TAPBPL: variants seen among roughly 807,000 people sequenced by gnomAD.
TAPBPL encodes TAP binding protein like, also known as tapasin-related protein.
TAPBPL carries 32 observed loss-of-function variants against 44.8 expected under a neutral mutation model. The observed-to-expected ratio is 0.71, with a 90% CI of 0.54 to 0.96. The LOEUF (loss-of-function observed/expected upper bound fraction) is 0.96, where lower values mean the gene tolerates loss of function less well. Among genes scored for constraint, TAPBPL ranks in the 40% least tolerant of loss-of-function variants. The probability of loss-of-function intolerance (pLI) is 0.00; values close to 1 mark genes in which losing one functional copy is unlikely to be tolerated. For synonymous variants in TAPBPL, 230 were observed against 240.7 expected, an observed-to-expected ratio of 0.96 and a Z score of 0.41; for missense variants, 520 against 586.6, an observed-to-expected ratio of 0.89 and a Z score of 1.17.
chr12:6,456,911 C>T (rs571674915), intron 3 of TAPBPL, among the ~76,000 whole-genome samples: 1 of 152,222 alleles, frequency 6.6e-6, no homozygotes, highest in Non-Finnish European at 1.5e-5. Flanking sequence ...CCTCGGCCCC[C>T]CAAAGTGCTG....
downstream of TAPBPL, chr12:6,465,127 G>T (rs929016519): frequency 4.6e-5 from 35 of 760,230 alleles, 1 homozygote; most frequent in Middle Eastern, 1.2e-3. Context: ...CATAACCACA[G>T]TATGTCTGTA....
downstream of TAPBPL, chr12:6,463,328 A>G (rs900114007): frequency 1.3e-5 from 15 of 1,176,138 alleles, no homozygotes; most frequent in African/African-American, 1.1e-4. The surrounding 1 kb of genome is among the most constrained non-coding windows in gnomAD (Gnocchi z 4.0). Context: ...CCTCCCCCCA[A>G]GGTGGGGCTG....
Position 6,457,662 on chromosome 12 carries a change from T to A in TAPBPL, c.822T>A (p.Thr274=), listed in dbSNP as rs1464274026. The A allele has an allele frequency of 6.2e-7, 1 of 1,614,012 alleles. No homozygotes were observed. Among genetic ancestry groups the A allele is most frequent in the Non-Finnish European group, 8.5e-7 (1 of 1,180,010 alleles). Residue 274 remains threonine (T), a synonymous_variant, in exon 4 of 7, where the codon ACT becomes ACA. Transcript: ENST00000266556. Reference sequence around the variant, plus strand: ...CCTCCCTCACCCTGCCCGGCCTCACTATACAGGACGAGGGGACCTACATTT... The same window carrying A: ...CCTCCCTCACCCTGCCCGGCCTCACAATACAGGACGAGGGGACCTACATTT... ...RDASLTLPGL[T]IQDEGTYICQ...
intron 3 of TAPBPL, among the ~76,000 whole-genome samples, chr12:6,454,921 A>G (rs1592131115): frequency 1.3e-5 from 2 of 151,868 alleles, no homozygotes; most frequent in South Asian, 4.2e-4. Flanking sequence ...ATTAGGGGCA[A>G]CCGTCCTATC....
rs1404750780 is a variant in TAPBPL at position 6,457,656 on chromosome 12, C to T, written c.816C>T (p.Gly272=). 6.2e-7 allele frequency: 1 copy of T among 1,614,180 alleles called. No individual in the cohort carries two copies. Among genetic ancestry groups the T allele is most frequent in the Admixed American group, 1.7e-5 (1 of 60,020 alleles). ...GGGATGCCTCCCTCACCCTGCCCGG[C>T]CTCACTATACAGGACGAGGGGACCT... is the stretch of plus-strand genomic sequence containing the variant. ...MARDASLTLP[G]LTIQDEGTYI... is the part of the protein sequence containing the mutation. The change falls in exon 4 of 7, where the codon GGC becomes GGT. Residue 272 remains glycine (G), a synonymous_variant. Coordinates refer to ENST00000266556, the MANE Select transcript of TAPBPL (RefSeq NM_018009.5).
In TAPBPL at chr12:6,458,797, T is replaced by C. The variant is rs1592136850; in HGVS notation, c.1057T>C (p.Ser353Pro). 1 of 1,614,090 alleles carries C rather than the reference T, an allele frequency of 6.2e-7. No homozygotes were observed. Among genetic ancestry groups the C allele is most frequent in the Non-Finnish European group, 8.5e-7 (1 of 1,180,034 alleles). Residue 353 changes from serine to proline, a missense_variant, in exon 5 of 7, where the codon TCC becomes CCC. Physicochemically the swap from Ser to Pro is moderately conservative, Grantham distance 74 (BLOSUM62 -1). Coordinates refer to ENST00000266556, the MANE Select transcript of TAPBPL (RefSeq NM_018009.5). Reference sequence around the variant, plus strand: ...AGCCCAAGTCTCTGGTGCCTCCTTCTCCAGCCTCAGGCAAAGCGTGGCAGG... The same window carrying C: ...AGCCCAAGTCTCTGGTGCCTCCTTCCCCAGCCTCAGGCAAAGCGTGGCAGG... ...SPAQVSGASF[S>P]SLRQSVAGTY...
intron 3 of TAPBPL, among the ~76,000 whole-genome samples, chr12:6,454,650 T>C (rs1226173093): frequency 6.6e-6 from 1 of 152,174 alleles, no homozygotes; most frequent in Non-Finnish European, 1.5e-5. Flanking sequence ...TGCTGTCCAC[T>C]GTAGTCTTAT....
At chr12:6,463,796 T>G, downstream of TAPBPL, 1 of 1,189,762 alleles carries the variant, frequency 8.4e-7, no homozygotes, top group Non-Finnish European at 1.1e-6. The surrounding 1 kb of genome is among the most constrained non-coding windows in gnomAD (Gnocchi z 4.0). Context: ...CAAGTCCTGC[T>G]ATTTTCACAA....
rs908479996 is a variant in TAPBPL, at chr12:6,460,993, C to T, written c.1291+55C>T. 1.9e-6 allele frequency: 3 copies of T among 1,610,324 alleles called. No individual in the cohort carries two copies. The Admixed American group carries it at 5.1e-5, about 27-fold the overall frequency. ...CCTGGCCCACCTCACCCACTCTAACCACCCCCCCGCCCAGACCAGGGTGGA... is the reference window on the plus strand; with the variant it reads ...CCTGGCCCACCTCACCCACTCTAACTACCCCCCCGCCCAGACCAGGGTGGA... On this transcript the variant is annotated intron_variant, in intron 6 of 6. Transcript: ENST00000266556.
At chr12:6,465,043 G>C, downstream of TAPBPL, 3 of 1,549,744 alleles carry the variant, frequency 1.9e-6, no homozygotes, top group Admixed American at 1.9e-5. Flanking sequence ...TTGGGACAAT[G>C]GAAAAAACCA....
downstream of TAPBPL, among the ~76,000 whole-genome samples, chr12:6,469,423 A>G (rs566110995): frequency 6.6e-6 from 1 of 152,304 alleles, no homozygotes; most frequent in South Asian, 2.1e-4. Context: ...CCCAAAATGA[A>G]AACAACTGGA....
intron 1 of TAPBPL, chr12:6,452,723 G>A: frequency 1.4e-6 from 1 of 700,752 alleles, no homozygotes; most frequent in Non-Finnish European, 2.1e-6. Context: ...AACAGTAACT[G>A]TCCAGTCTCC....
chr12:6,470,454 T>A, downstream of TAPBPL: 3 of 1,606,338 alleles, frequency 1.9e-6, no homozygotes, highest in Non-Finnish European at 2.6e-6. Flanking sequence ...TGCGCCATTT[T>A]CCGTCCCGCA....
downstream of TAPBPL, chr12:6,462,683 G>T (rs572486499): frequency 3.5e-6 from 3 of 850,992 alleles, no homozygotes; most frequent in Admixed American, 8.8e-5. Flanking sequence ...CCAAGAGGAC[G>T]GATTCGCTCC....
chr12:6,461,399 T>C (rs1293799733), intron 6 of TAPBPL: 10 of 1,002,076 alleles, frequency 1.0e-5, no homozygotes, highest in African/African-American at 5.2e-5. Context: ...AGGTTGGTGG[T>C]GTGACGGTAG....
intron 3 of TAPBPL, among the ~76,000 whole-genome samples, chr12:6,455,763 C>CT (rs374886698): frequency 0.16 from 22,059 of 136,704 alleles, 1,985 homozygotes; most frequent in East Asian, 0.31. Flanking sequence ...GCGAGACCCT[C>CT]TTTTTTTTTT....
rs192257378 is a variant in TAPBPL at position 6,453,019 on chromosome 12, G to A, written c.65-48G>A. On this transcript the variant is annotated intron_variant, in intron 1 of 6. Coordinates refer to ENST00000266556, the MANE Select transcript of TAPBPL (RefSeq NM_018009.5). The surrounding 1 kb of genome is among the most constrained non-coding windows in gnomAD (Gnocchi z 4.8). ...AGGGCGGGGGCAGGAAGCAAGTGTG[G>A]AGTAGCTTTCTGGGGAAGGCGGTGC... 169 of 1,525,432 alleles carry A rather than the reference G, an allele frequency of 1.1e-4. No individual in the cohort carries two copies. The highest frequency in any genetic ancestry group is 1.3e-4 in the Non-Finnish European group (149 of 1,129,514). The allele number at this position is 1,525,432 out of a possible 1,614,324, so 94.5% of individuals were successfully genotyped here. A position where few individuals can be genotyped will look rare whatever the true frequency, so the allele number is the denominator to read the frequency against.
intron 3 of TAPBPL, among the ~76,000 whole-genome samples, chr12:6,456,479 T>A (rs1949705611): frequency 6.6e-6 from 1 of 150,502 alleles, no homozygotes; most frequent in African/African-American, 2.4e-5. Flanking sequence ...ATTCTCCACC[T>A]GAGCCTCCCA....
intron 3 of TAPBPL, among the ~76,000 whole-genome samples, chr12:6,456,884 C>G (rs970893514): frequency 3.9e-5 from 6 of 152,178 alleles, no homozygotes; most frequent in African/African-American, 1.4e-4. Context: ...AACTCCTGAC[C>G]TCAGGTGATC....
Sources: allele counts gnomAD v4.1 joint callset (sites outside exome capture counted in the v4.1 genomes callset), GRCh38; gene constraint gnomAD v4.1.1; non-coding constraint Gnocchi (gnomAD v3.1); transcripts MANE v1.5; gene names NCBI Gene and HGNC (gene_info 2026-07-23, HGNC 2026-07-21).